GRM7: variants seen among roughly 807,000 people sequenced by gnomAD.
The protein encoded by GRM7 is glutamate metabotropic receptor 7.
Under a neutral mutation model 84.5 loss-of-function variants are expected in GRM7, and 35 were observed. That is an observed-to-expected ratio of 0.41 (90% CI 0.32 to 0.55). The LOEUF is 0.55. Among genes scored for constraint, GRM7 ranks in the 20% least tolerant of loss-of-function variants. The pLI is 0.19. For synonymous variants in GRM7, 487 were observed against 455.1 expected (o/e 1.07, Z -0.89); for missense variants, 1,003 against 1,194.6 (o/e 0.84, Z 2.36).
chr3:6,875,518 C>T (rs1010157471), intron 1 of GRM7, among the ~76,000 whole-genome samples: 17 of 152,144 alleles, frequency 1.1e-4, no homozygotes, highest in Non-Finnish European at 1.8e-4. Flanking sequence ...TCTTCATTCG[C>T]CTTCTGCCAT....
At chr3:7,579,627 T>C (rs1695149405) in intron 8 of GRM7, among the ~76,000 whole-genome samples, 2 of 152,292 alleles carry the variant, frequency 1.3e-5, no homozygotes, top group South Asian at 4.1e-4. Context: ...TTATCTAGCA[T>C]AAAATTATCT....
chr3:7,635,056 G>A (rs938254925), intron 8 of GRM7, among the ~76,000 whole-genome samples: 3 of 152,196 alleles, frequency 2.0e-5, no homozygotes, highest in Non-Finnish European at 4.4e-5. Context: ...TCATGTGGCA[G>A]CCATAGCCTC....
chr3:7,204,922 A>T (rs2124827842), intron 2 of GRM7, among the ~76,000 whole-genome samples: 1 of 152,326 alleles, frequency 6.6e-6, no homozygotes, highest in Admixed American at 6.5e-5. Flanking sequence ...TAAATAAGTA[A>T]CTCAATGAAA....
chr3:6,912,382 A>G (rs1212076635), intron 1 of GRM7, among the ~76,000 whole-genome samples: 1 of 152,160 alleles, frequency 6.6e-6, no homozygotes, highest in East Asian at 1.9e-4. Flanking sequence ...AACGTTTTAA[A>G]GGAAACTTGT....
At chr3:7,019,693 T>A (rs1398767320) in intron 1 of GRM7, among the ~76,000 whole-genome samples, 1 of 152,190 alleles carries the variant, frequency 6.6e-6, no homozygotes, top group Admixed American at 6.5e-5. Flanking sequence ...TATGACTAAT[T>A]GCAGGACGGT....
Position 7,452,558 on chromosome 3 carries a change from TTGTGTGTG to T in GRM7, c.1175-27_1175-20del, listed in dbSNP as rs111752136. On this transcript the variant is annotated intron_variant, in intron 5 of 9. Coordinates refer to ENST00000357716, the MANE Select transcript of GRM7 (RefSeq NM_000844.4). ...TTTGGACATTCTACTCAATGCCAAT[TTGTGTGTG>T]TGTGTGTGTGTGTGTGTGTGTTTCT... is the stretch of plus-strand genomic sequence containing the variant. 1.1e-4 allele frequency: 109 copies of T among 1,007,200 alleles called. 1 individual carries two copies. The highest frequency in any genetic ancestry group is 5.5e-4 in the South Asian group (41 of 74,346). The allele number at this position is 1,007,200 out of a possible 1,614,324, so 62.4% of individuals were successfully genotyped here. A position where few individuals can be genotyped will look rare whatever the true frequency, so the allele number is the denominator to read the frequency against.
At chr3:7,692,384 T>A (rs1355576395) in intron 9 of GRM7, among the ~76,000 whole-genome samples, 1 of 152,158 alleles carries the variant, frequency 6.6e-6, no homozygotes, top group African/African-American at 2.4e-5. Context: ...TTTTAGCTCA[T>A]GAAAACACAT....
At position 7,631,897 on chromosome 3, in the gene GRM7, T is replaced by C. The variant is rs150638609; in HGVS notation, c.2452-48152T>C. Among the ~76,000 whole-genome samples the C allele has an allele frequency of 2.4e-4, 37 of 152,256 alleles. 1 individual carries two copies. Among genetic ancestry groups the C allele is most frequent in the African/African-American group, 8.7e-4 (36 of 41,538 alleles). On this transcript the variant is annotated intron_variant, in intron 8 of 9. Coordinates refer to ENST00000357716, the MANE Select transcript of GRM7 (RefSeq NM_000844.4). ...GTGTGTATCTGTAACTTATAACAAG[T>C]ATCACTAGGGAAACAAGAAAATAGG...
At chr3:7,709,576 C>A (rs2125164645) in intron 9 of GRM7, among the ~76,000 whole-genome samples, 1 of 152,082 alleles carries the variant, frequency 6.6e-6, no homozygotes, top group South Asian at 2.1e-4. Context: ...TGGGCTCCTC[C>A]TCTCTGTGTC....
At chr3:7,592,403 G>T (rs566225154) in intron 8 of GRM7, among the ~76,000 whole-genome samples, 11 of 152,312 alleles carry the variant, frequency 7.2e-5, no homozygotes, top group African/African-American at 2.4e-4. Flanking sequence ...TCTAAGAGAA[G>T]AGCATTCTGG....
At chr3:6,945,770 T>C (rs1006091007) in intron 1 of GRM7, among the ~76,000 whole-genome samples, 3 of 152,254 alleles carry the variant, frequency 2.0e-5, no homozygotes. Context: ...CGGTGTGAGA[T>C]GGTACCTCAT....
chr3:7,070,706 A>C (rs1697841549), intron 1 of GRM7, among the ~76,000 whole-genome samples: 1 of 151,804 alleles, frequency 6.6e-6, no homozygotes, highest in Non-Finnish European at 1.5e-5. Context: ...TGAATGTCTT[A>C]GTACAGTCGG....
chr3:7,569,288 C>T (rs1296604572), intron 7 of GRM7, among the ~76,000 whole-genome samples: 1 of 152,118 alleles, frequency 6.6e-6, no homozygotes, highest in Non-Finnish European at 1.5e-5. Flanking sequence ...AATCAGTACC[C>T]TATGTCTAGC....
At chr3:7,467,465 C>T (rs760269817) in intron 7 of GRM7, among the ~76,000 whole-genome samples, 11 of 152,138 alleles carry the variant, frequency 7.2e-5, no homozygotes, top group African/African-American at 2.2e-4. Context: ...CAGTTTAAGC[C>T]AATCACTGTA....
intron 1 of GRM7, among the ~76,000 whole-genome samples, chr3:7,129,309 G>A (rs944033299): frequency 5.3e-5 from 8 of 152,134 alleles, no homozygotes; most frequent in Admixed American, 1.3e-4. Context: ...ATGATCAGCC[G>A]TTATCCGTTT....
At chr3:6,898,913 C>T (rs1696288554) in intron 1 of GRM7, among the ~76,000 whole-genome samples, 1 of 152,044 alleles carries the variant, frequency 6.6e-6, no homozygotes, top group Non-Finnish European at 1.5e-5. Flanking sequence ...GGTGGTATTG[C>T]CACAGTAGAG....
At chr3:7,397,394 A>G (rs1695253482) in intron 4 of GRM7, among the ~76,000 whole-genome samples, 1 of 152,194 alleles carries the variant, frequency 6.6e-6, no homozygotes. Context: ...TTGCTTTACT[A>G]GAGGGTGAAA....
intron 4 of GRM7, among the ~76,000 whole-genome samples, chr3:7,377,892 C>G (rs990205681): frequency 9.9e-5 from 15 of 152,188 alleles, no homozygotes; most frequent in African/African-American, 3.1e-4. Context: ...GCTAAAAAGC[C>G]TTTGCAAAAA....
At chr3:7,666,387 C>A (rs1699703048) in intron 8 of GRM7, among the ~76,000 whole-genome samples, 1 of 152,180 alleles carries the variant, frequency 6.6e-6, no homozygotes, top group Admixed American at 6.5e-5. Flanking sequence ...CAAAACATAG[C>A]CAGGCCAGAT....
Sources: allele counts gnomAD v4.1 joint callset (sites outside exome capture counted in the v4.1 genomes callset), GRCh38; gene constraint gnomAD v4.1.1; transcripts MANE v1.5; gene names NCBI Gene and HGNC (gene_info 2026-07-23, HGNC 2026-07-21).